NDUFAB1: variants seen among roughly 807,000 people sequenced by gnomAD.
The protein encoded by NDUFAB1 is NADH:ubiquinone oxidoreductase subunit AB1.
NDUFAB1 carries 5 observed loss-of-function variants against 16.1 expected under a neutral mutation model. The observed-to-expected ratio is 0.31, with a 90% CI of 0.16 to 0.65. The LOEUF (loss-of-function observed/expected upper bound fraction) is 0.65. NDUFAB1 is among the 30% of genes least tolerant of loss of function. NDUFAB1 has a pLI of 0.77. For missense variants in NDUFAB1, 187 were observed against 205.3 expected, an observed-to-expected ratio of 0.91 and a Z score of 0.54; for synonymous variants, 85 against 78.4, an observed-to-expected ratio of 1.08 and a Z score of -0.44.
At chr16:23,585,084 G>A (rs1401169535) in intron 3 of NDUFAB1, among the ~76,000 whole-genome samples, 2 of 152,200 alleles carry the variant, frequency 1.3e-5, no homozygotes, top group Non-Finnish European at 2.9e-5. Flanking sequence ...AACCATCTCT[G>A]GTCATTCGGC....
chr16:23,592,197 G>T (rs535337419), intron 1 of NDUFAB1, among the ~76,000 whole-genome samples: 43 of 152,262 alleles, frequency 2.8e-4, no homozygotes, highest in African/African-American at 9.6e-4. Context: ...AACGAAATGA[G>T]GTCAGGCGTG....
chr16:23,584,254 T>TAAAAAAAAA (rs774895056), intron 3 of NDUFAB1, among the ~76,000 whole-genome samples: 300 of 12,092 alleles, frequency 0.025, 16 homozygotes, highest in Middle Eastern at 0.083. Context: ...GAATGATCAA[T>TAAAAAAAAA]TAAAAAAAAA....
At chr16:23,586,954 GT>G (rs1351135219) in intron 2 of NDUFAB1, among the ~76,000 whole-genome samples, 2 of 152,220 alleles carry the variant, frequency 1.3e-5, no homozygotes, top group Admixed American at 6.5e-5. Flanking sequence ...GGCCAGTTGT[GT>G]TTTTTAAAAA....
chr16:23,595,933 T>C (rs1966321577), intron 1 of NDUFAB1, among the ~76,000 whole-genome samples, 190 bp downstream of exon 1: 1 of 152,160 alleles, frequency 6.6e-6, no homozygotes. Flanking sequence ...TCTTGCTCGT[T>C]ATTACGAGGT....
At position 23,590,638 on chromosome 16, in the gene NDUFAB1, C is replaced by CTTTTTTT. The variant is rs398042088; in HGVS notation, c.169-3326_169-3320dup. Among the ~76,000 whole-genome samples the CTTTTTTT allele has an allele frequency of 5.6e-3, 737 of 131,786 alleles. 20 individuals carry two copies. Among genetic ancestry groups the CTTTTTTT allele is most frequent in the Admixed American group, 0.037 (471 of 12,602 alleles). 86.5% of individuals were successfully genotyped at this position (131,786 alleles called of 152,430 possible). ...CCTCTCATGCTCCTGCCTCTGGTCTCTTTTTTTTTTTTTTTTCAGACAGAG... is the reference window on the plus strand; with the variant it reads ...CCTCTCATGCTCCTGCCTCTGGTCTCTTTTTTTTTTTTTTTTTTTTTTTCAGACAGAG... On this transcript the variant is annotated intron_variant, in intron 1 of 4. Transcript: ENST00000007516.
intron 1 of NDUFAB1, chr16:23,595,494 C>A (rs1294365079): frequency 2.3e-6 from 1 of 442,600 alleles, no homozygotes; most frequent in Non-Finnish European, 4.6e-6. Flanking sequence ...CGCGGGGCGG[C>A]ACATCCCGTA....
intron 1 of NDUFAB1, 126 bp downstream of exon 1, chr16:23,595,997 G>T: frequency 1.7e-6 from 2 of 1,179,170 alleles, no homozygotes; most frequent in South Asian, 1.6e-5. Context: ...CGGGGCTGCG[G>T]AGCGAGCCGG....
At chr16:23,584,917 G>C (rs1386336637) in intron 3 of NDUFAB1, among the ~76,000 whole-genome samples, 1 of 152,208 alleles carries the variant, frequency 6.6e-6, no homozygotes, top group Non-Finnish European at 1.5e-5. Context: ...GGAGACCAAG[G>C]CCAGAGGCTC....
intron 1 of NDUFAB1, chr16:23,595,344 A>G (rs1966315087): frequency 2.9e-6 from 1 of 345,370 alleles, no homozygotes; most frequent in Non-Finnish European, 5.7e-6. Context: ...AGCTCAAGCT[A>G]TATACTACAG....
chr16:23,587,280 C>A lies in NDUFAB1; in HGVS notation c.208G>T (p.Asp70Tyr). ...RVTQLCRQYSDMPPLTLEGIQ... is the reference protein window; with the variant it reads ...RVTQLCRQYSYMPPLTLEGIQ... ...CCCTCTAACGTCAAAGGAGGCATGT[C>A]GCTATACTGGCGGCACAACTGTGTA... Residue 70 changes from aspartate (D) to tyrosine (Y), a missense_variant, in exon 2 of 5, where the codon GAC becomes TAC. This residue lies in a region of NDUFAB1 where 135 missense variants were observed against 129.4 expected (regional missense o/e 1.04). Transcript: ENST00000007516. 1 of 1,613,992 alleles carries A rather than the reference C, an allele frequency of 6.2e-7. No individual in the cohort carries two copies. Among genetic ancestry groups the A allele is most frequent in the Non-Finnish European group, 8.5e-7 (1 of 1,179,912 alleles).
chr16:23,590,194 C>T (rs113005392), intron 1 of NDUFAB1, among the ~76,000 whole-genome samples: 10 of 152,318 alleles, frequency 6.6e-5, no homozygotes, highest in African/African-American at 2.4e-4. Flanking sequence ...GCCAGGTGGG[C>T]ACCATGTGAT....
chr16:23,583,617 C>G (rs949649399), intron 3 of NDUFAB1, among the ~76,000 whole-genome samples: 1 of 121,534 alleles, frequency 8.2e-6, no homozygotes, highest in Non-Finnish European at 1.7e-5. Context: ...CTCCGCCCGG[C>G]AGCCGCCCCG....
intron 1 of NDUFAB1, 25 bp from the exon 2 acceptor site, chr16:23,587,344 A>G: frequency 1.2e-6 from 2 of 1,610,944 alleles, no homozygotes; most frequent in Middle Eastern, 3.3e-4. Flanking sequence ...GGAAGGAAAC[A>G]CTGTCATTGA....
At chr16:23,583,611 G>A (rs1187806109) in intron 3 of NDUFAB1, among the ~76,000 whole-genome samples, 2 of 131,812 alleles carry the variant, frequency 1.5e-5, no homozygotes, top group Admixed American at 7.4e-5. Context: ...GAGCCCCTCC[G>A]CCCGGCAGCC....
At chr16:23,585,035 C>T (rs985035073) in intron 3 of NDUFAB1, among the ~76,000 whole-genome samples, 31 of 152,190 alleles carry the variant, frequency 2.0e-4, no homozygotes, top group African/African-American at 7.0e-4. Flanking sequence ...GGCTTTTGCC[C>T]TTTGTCTTAG....
intron 1 of NDUFAB1, among the ~76,000 whole-genome samples, chr16:23,593,825 A>G (rs554310309): frequency 1.3e-5 from 2 of 152,260 alleles, no homozygotes; most frequent in East Asian, 1.9e-4. Context: ...ACACTCATCA[A>G]TTCTAACTAC....
intron 1 of NDUFAB1, among the ~76,000 whole-genome samples, chr16:23,590,638 C>CTATTTCTTTTTTTTTTTTTTTTT (rs574003194): frequency 7.6e-6 from 1 of 131,832 alleles, no homozygotes; most frequent in Non-Finnish European, 1.6e-5. Context: ...CCTCTGGTCT[C>CTATTTCTTTTTTTTTTTTTTTTT]TTTTTTTTTT....
intron 1 of NDUFAB1, among the ~76,000 whole-genome samples, chr16:23,595,026 G>A (rs1966311723): frequency 6.6e-6 from 1 of 151,956 alleles, no homozygotes; most frequent in Non-Finnish European, 1.5e-5. Flanking sequence ...GCCGAGGCGG[G>A]TGGATTGCGA....
chr16:23,587,064 G>A, intron 2 of NDUFAB1, 133 bp downstream of exon 2: 3 of 795,574 alleles, frequency 3.8e-6, no homozygotes, highest in Non-Finnish European at 6.1e-6. Context: ...GGTAGCGCTG[G>A]CTATCTCCCA....
Sources: allele counts gnomAD v4.1 joint callset (sites outside exome capture counted in the v4.1 genomes callset), GRCh38; gene constraint gnomAD v4.1.1; regional missense constraint gnomAD v4.1.1; transcripts MANE v1.5; gene names NCBI Gene and HGNC (gene_info 2026-07-23, HGNC 2026-07-21).